VDR: variants seen among roughly 807,000 people sequenced by gnomAD.
VDR encodes the protein vitamin D receptor.
Under a neutral mutation model 39.7 loss-of-function variants are expected in VDR, and 19 were observed. That is an observed-to-expected ratio of 0.48 (90% confidence interval 0.33 to 0.70). The LOEUF (loss-of-function observed/expected upper bound fraction) is 0.70, where lower values mean the gene tolerates loss of function less well. VDR is among the 30% of genes least tolerant of loss of function. The pLI, the probability that VDR is intolerant of heterozygous loss-of-function variation, is 0.02. For missense variants in VDR, 442 were observed against 570.5 expected, an observed-to-expected ratio of 0.77 and a Z score of 2.29; for synonymous variants, 242 against 215.8, an observed-to-expected ratio of 1.12 and a Z score of -1.07.
rs192589670 is a variant in VDR at position 47,880,873 on chromosome 12, A to T, written c.-2-1758T>A. Among the ~76,000 whole-genome samples the T allele has an allele frequency of 3.4e-5, 5 of 147,110 alleles. No individual in the cohort carries two copies. The Admixed American group carries it at 3.4e-4, about 10-fold the overall frequency. On this transcript the variant is annotated intron_variant, in intron 2 of 9. Transcript: ENST00000549336. ...ATAAATACATATTAATATATATTAT[A>T]TATTAATATATATTAAATATATAAA...
intron 3 of VDR, among the ~76,000 whole-genome samples, chr12:47,872,667 C>A (rs1945907038): frequency 6.6e-6 from 1 of 152,174 alleles, no homozygotes; most frequent in South Asian, 2.1e-4. Flanking sequence ...GCCCCTGGCC[C>A]AGCCCTTCCC....
At chr12:47,851,571 G>A (rs902317960) in intron 7 of VDR, among the ~76,000 whole-genome samples, 14 of 152,200 alleles carry the variant, frequency 9.2e-5, no homozygotes, top group African/African-American at 2.9e-4. Flanking sequence ...TGCAGCCACT[G>A]TTCTTCTATG....
intron 1 of VDR, among the ~76,000 whole-genome samples, chr12:47,894,185 G>T (rs1228260259): frequency 6.6e-6 from 1 of 152,210 alleles, no homozygotes; most frequent in Non-Finnish European, 1.5e-5. Context: ...GACAGAGGAG[G>T]AGCTAAACTC....
chr12:47,879,664 C>T (rs1946102427), intron 2 of VDR, among the ~76,000 whole-genome samples: 1 of 152,200 alleles, frequency 6.6e-6, no homozygotes, highest in African/African-American at 2.4e-5. Context: ...GTGCCCTGGT[C>T]ATTCCAGCCC....
intron 1 of VDR, 200 bp downstream of exon 1, chr12:47,904,755 G>A (rs1946637734): frequency 3.1e-6 from 3 of 981,384 alleles, no homozygotes; most frequent in Non-Finnish European, 4.5e-6. Context: ...AGCCTGGCAC[G>A]AACTTCAGCT....
At chr12:47,873,612 C>T (rs956100281) in intron 3 of VDR, among the ~76,000 whole-genome samples, 7 of 151,866 alleles carry the variant, frequency 4.6e-5, no homozygotes, top group African/African-American at 1.7e-4. Flanking sequence ...CCGCCCGCCT[C>T]GGCCTCCCAA....
At chr12:47,862,962 G>A (rs1196819352) in intron 4 of VDR, among the ~76,000 whole-genome samples, 9 of 152,236 alleles carry the variant, frequency 5.9e-5, no homozygotes, top group Non-Finnish European at 1.0e-4. Flanking sequence ...GCACTGGGAT[G>A]AGGAGGGTGG....
intron 3 of VDR, chr12:47,878,710 C>T (rs955965705): frequency 1.4e-4 from 80 of 592,408 alleles, no homozygotes; most frequent in South Asian, 6.7e-4. Context: ...GGGTTACAGG[C>T]GTAATGGAAA....
At chr12:47,856,877 A>G (rs892518810) in intron 6 of VDR, among the ~76,000 whole-genome samples, 5 of 152,238 alleles carry the variant, frequency 3.3e-5, no homozygotes, top group African/African-American at 1.2e-4. Context: ...TAGAGGAAAC[A>G]GCATGGGCCC....
At chr12:47,899,636 G>A (rs1349999715) in intron 1 of VDR, among the ~76,000 whole-genome samples, 2 of 152,212 alleles carry the variant, frequency 1.3e-5, no homozygotes, top group African/African-American at 2.4e-5. Flanking sequence ...ACCCACAGGG[G>A]GTGGGGCAGG....
intron 7 of VDR, among the ~76,000 whole-genome samples, chr12:47,852,730 A>G (rs1313296047): frequency 6.6e-6 from 1 of 152,202 alleles, no homozygotes; most frequent in African/African-American, 2.4e-5. Context: ...AACAAACTGG[A>G]AAGTTCTGGG....
chr12:47,874,915 G>A (rs1312841756), intron 3 of VDR, among the ~76,000 whole-genome samples: 2 of 152,030 alleles, frequency 1.3e-5, no homozygotes, highest in African/African-American at 4.8e-5. Flanking sequence ...TTCCTCCTCT[G>A]GCTCTTACTT....
At chr12:47,855,061 G>A (rs1945454387) in intron 7 of VDR, among the ~76,000 whole-genome samples, 2 of 152,218 alleles carry the variant, frequency 1.3e-5, no homozygotes, top group South Asian at 2.1e-4. Context: ...AGGGCGCGAT[G>A]GCTCATGCCT....
chr12:47,899,045 T>C (rs1946513055), intron 1 of VDR, among the ~76,000 whole-genome samples: 2 of 152,174 alleles, frequency 1.3e-5, no homozygotes, highest in African/African-American at 4.8e-5. Context: ...ATGTGATATA[T>C]CGCGGTTTTT....
chr12:47,875,633 T>C (rs971675201), intron 3 of VDR, among the ~76,000 whole-genome samples: 16 of 152,194 alleles, frequency 1.1e-4, no homozygotes, highest in African/African-American at 3.9e-4. Context: ...GGAGAAATGA[T>C]GTATGTATAG....
chr12:47,893,254 C>CA (rs1435648602), intron 1 of VDR, among the ~76,000 whole-genome samples: 2 of 152,202 alleles, frequency 1.3e-5, no homozygotes, highest in Admixed American at 6.5e-5. Context: ...GTTGTGACAA[C>CA]AGGGCCTCTC....
At chr12:47,845,423 G>C (rs182231349) in intron 9 of VDR, among the ~76,000 whole-genome samples, 14 of 151,914 alleles carry the variant, frequency 9.2e-5, no homozygotes, top group Non-Finnish European at 1.8e-4. Context: ...GGCCATTCCT[G>C]GCAACACTCT....
At chr12:47,854,579 G>A (rs1945446444) in intron 7 of VDR, among the ~76,000 whole-genome samples, 1 of 152,220 alleles carries the variant, frequency 6.6e-6, no homozygotes, top group Non-Finnish European at 1.5e-5. Context: ...GTTGGGGTGT[G>A]GAGGAATCAT....
At chr12:47,893,652 C>G (rs946531971) in intron 1 of VDR, among the ~76,000 whole-genome samples, 1 of 152,114 alleles carries the variant, frequency 6.6e-6, no homozygotes, top group African/African-American at 2.4e-5. Flanking sequence ...TGCCCACAGC[C>G]GCAGGATCCC....
Sources: allele counts gnomAD v4.1 joint callset (sites outside exome capture counted in the v4.1 genomes callset), GRCh38; gene constraint gnomAD v4.1.1; transcripts MANE v1.5; gene names NCBI Gene and HGNC (gene_info 2026-07-23, HGNC 2026-07-21).